Variants in AP1G1 observed in about 807,000 individuals in gnomAD.
AP1G1 encodes adaptor related protein complex 1 subunit gamma 1.
A neutral mutation model predicts 108.3 loss-of-function variants in AP1G1; 7 were observed. The observed-to-expected ratio is 0.06, with a 90% CI of 0.04 to 0.12. The LOEUF (loss-of-function observed/expected upper bound fraction) is 0.12, where lower values mean the gene tolerates loss of function less well. Among genes scored for constraint, AP1G1 ranks in the 10% least tolerant of loss-of-function variants. The pLI is 1.00. For missense variants in AP1G1, 756 were observed against 1,010.7 expected, an observed-to-expected ratio of 0.75 and a Z score of 3.42; for synonymous variants, 379 against 353.5, an observed-to-expected ratio of 1.07 and a Z score of -0.81.
At chr16:71,784,063 CATT>C (rs2032116243) in intron 2 of AP1G1, among the ~76,000 whole-genome samples, 2 of 152,280 alleles carry the variant, frequency 1.3e-5, no homozygotes, top group South Asian at 4.1e-4. Flanking sequence ...CTGTCTCTTA[CATT>C]ATTAAGAGAC....
At chr16:71,740,267 T>C (rs1306778780) in intron 19 of AP1G1, among the ~76,000 whole-genome samples, 2 of 152,316 alleles carry the variant, frequency 1.3e-5, no homozygotes, top group East Asian at 3.9e-4. Flanking sequence ...GGATATTAAG[T>C]AGCACCCCTG....
intron 11 of AP1G1, 62 bp downstream of exon 11, chr16:71,758,746 T>C: frequency 1.1e-6 from 1 of 945,138 alleles, no homozygotes; most frequent in East Asian, 2.4e-5. Context: ...CATAGAGCTA[T>C]CAATAATCTG....
chr16:71,766,133 T>C (rs8060867), intron 6 of AP1G1, among the ~76,000 whole-genome samples: 52,005 of 151,988 alleles, frequency 0.34, 9,718 homozygotes, highest in East Asian at 0.76. Flanking sequence ...AAGCTGACAA[T>C]AGTAATACGG....
intron 9 of AP1G1, among the ~76,000 whole-genome samples, 173 bp downstream of exon 9, chr16:71,764,177 G>A (rs1043215243): frequency 4.6e-5 from 7 of 152,140 alleles, no homozygotes; most frequent in African/African-American, 1.7e-4. Context: ...TCAATGTTAA[G>A]CCTTCAGTGG....
At chr16:71,756,814 C>T (rs560719950) in intron 11 of AP1G1, among the ~76,000 whole-genome samples, 6 of 151,428 alleles carry the variant, frequency 4.0e-5, no homozygotes, top group South Asian at 2.1e-4. Flanking sequence ...TGGTGGTGGG[C>T]GCCTGTAGTC....
At chr16:71,736,795 G>A (rs897841695) in intron 21 of AP1G1, among the ~76,000 whole-genome samples, 60 of 145,432 alleles carry the variant, frequency 4.1e-4, no homozygotes, top group Admixed American at 1.3e-3. Context: ...GGGTTTCACC[G>A]TGTTAGCCAG....
intron 4 of AP1G1, among the ~76,000 whole-genome samples, chr16:71,771,552 T>C (rs2031572838): frequency 6.6e-6 from 1 of 152,156 alleles, no homozygotes; most frequent in Non-Finnish European, 1.5e-5. Flanking sequence ...GAGAAAATTA[T>C]TTATTAACTG....
At chr16:71,799,412 A>T (rs2032702612) in intron 1 of AP1G1, among the ~76,000 whole-genome samples, 1 of 152,158 alleles carries the variant, frequency 6.6e-6, no homozygotes, top group Non-Finnish European at 1.5e-5. Context: ...GGAAAATAAT[A>T]AATTATGGTA....
intron 22 of AP1G1, among the ~76,000 whole-genome samples, chr16:71,734,400 G>A (rs2045507554): frequency 1.3e-5 from 2 of 152,162 alleles, no homozygotes; most frequent in South Asian, 2.1e-4. Flanking sequence ...TTTTTTTGAA[G>A]TTGCATTTTA....
chr16:71,796,544 GTAT>G (rs778309665), intron 1 of AP1G1, among the ~76,000 whole-genome samples: 17 of 152,076 alleles, frequency 1.1e-4, no homozygotes, highest in Non-Finnish European at 2.1e-4. Context: ...CAATACTACA[GTAT>G]TATTATAACT....
chr16:71,778,364 A>G (rs1033547571), intron 2 of AP1G1, among the ~76,000 whole-genome samples: 2 of 152,208 alleles, frequency 1.3e-5, no homozygotes, highest in African/African-American at 4.8e-5. Flanking sequence ...CATAGTGCTG[A>G]GAACATACCA....
At chr16:71,762,617 T>A (rs2031141501) in intron 9 of AP1G1, among the ~76,000 whole-genome samples, 3 of 152,176 alleles carry the variant, frequency 2.0e-5, no homozygotes, top group African/African-American at 7.2e-5. Context: ...TCAGAGGAGC[T>A]TCCAGATAGC....
Position 71,756,147 on chromosome 16 carries a change from T to C in AP1G1, c.1101A>G (p.Glu367=). The C allele has an allele frequency of 1.2e-6, 2 of 1,610,784 alleles. No homozygotes were observed. The highest frequency in any genetic ancestry group is 1.3e-5 in the African/African-American group (1 of 74,796). The change falls in exon 12 of 23, where the codon GAA becomes GAG. Residue 367 remains glutamate (E), a synonymous_variant. Coordinates refer to ENST00000299980, the MANE Select transcript of AP1G1 (RefSeq NM_001128.6). ...TCCCATTTACCAGGGCAAAACTCAA[T>C]TCCATTGCACGCCTTGCAGAAGGGA... ...LDVSIKRRAM[E]LSFALVNGNN...
At chr16:71,744,054 C>G (rs1000037322) in intron 19 of AP1G1, among the ~76,000 whole-genome samples, 3 of 151,628 alleles carry the variant, frequency 2.0e-5, no homozygotes, top group Non-Finnish European at 4.4e-5. Flanking sequence ...ACCAGCCTGA[C>G]GAACATGGAG....
At chr16:71,796,832 A>G (rs2032602643) in intron 1 of AP1G1, among the ~76,000 whole-genome samples, 1 of 152,154 alleles carries the variant, frequency 6.6e-6, no homozygotes, top group Non-Finnish European at 1.5e-5. Context: ...GCAGATGTCT[A>G]TAAATGCAAA....
chr16:71,808,717 G>T (rs895411762), intron 1 of AP1G1, 46 bp downstream of exon 1: 1 of 1,285,504 alleles, frequency 7.8e-7, no homozygotes, highest in Admixed American at 2.3e-5. Context: ...CGGCAGCGGC[G>T]GGGCAAAAGC....
rs1176645914 is a variant in AP1G1 at position 71,746,863 on chromosome 16, A to ACATT, written c.1626-175_1626-172dup. The ACATT allele has an allele frequency of 9.3e-6, 5 of 536,308 alleles. No individual in the cohort carries two copies. In the African/African-American group the frequency reaches 9.5e-5, roughly 10 times the overall value. The allele number at this position is 536,308 out of a possible 1,614,324, so 33.2% of individuals were successfully genotyped here. On this transcript the variant is annotated intron_variant, in intron 16 of 22. Coordinates refer to ENST00000299980, the MANE Select transcript of AP1G1 (RefSeq NM_001128.6). ...CACTTTACTTTCATCCATTTATCTG[A>ACATT]CATTCGCATTATACTATTCTCATTG...
chr16:71,730,627 T>C lies in AP1G1; in HGVS notation c.*2431A>G, dbSNP rs1399666599. On this transcript the variant is annotated 3_prime_UTR_variant, in exon 23 of 23. Coordinates refer to ENST00000299980, the MANE Select transcript of AP1G1 (RefSeq NM_001128.6). ...TCTGATCCTAGAAACTAAGGCACGC[T>C]GAAGCTTTCAAAGATCCAATCATTT... 1.3e-5 allele frequency: 2 copies of C among 152,666 alleles called. No individual in the cohort carries two copies. Among genetic ancestry groups the C allele is most frequent in the East Asian group, 3.8e-4 (2 of 5,200 alleles). The allele number at this position is 152,666 out of a possible 1,614,324, so 9.5% of individuals were successfully genotyped here. A position where few individuals can be genotyped will look rare whatever the true frequency, so the allele number is the denominator to read the frequency against.
chr16:71,779,883 C>G (rs960904109), intron 2 of AP1G1, among the ~76,000 whole-genome samples: 1 of 152,042 alleles, frequency 6.6e-6, no homozygotes, highest in Non-Finnish European at 1.5e-5. Flanking sequence ...TTTGGGGAGG[C>G]CAAGGCGGGA....
Sources: gnomAD v4.1 joint callset for allele counts (sites outside exome capture counted in the v4.1 genomes callset) on GRCh38, gnomAD v4.1.1 for gene constraint, MANE v1.5 for transcripts, NCBI Gene and HGNC (gene_info 2026-07-23, HGNC 2026-07-21) for gene names.